Variants in FAM227B observed in about 807,000 individuals in gnomAD.
FAM227B encodes protein FAM227B.
A neutral mutation model predicts 73.8 loss-of-function variants in FAM227B; 88 were observed. The observed-to-expected ratio is 1.19, with a 90% CI of 1.00 to 1.42. The LOEUF is 1.42. FAM227B is among the 40% of genes most tolerant of loss of function. The probability of loss-of-function intolerance (pLI) is 0.00; values close to 1 mark genes in which losing one functional copy is unlikely to be tolerated. For missense variants in FAM227B, 632 were observed against 590.9 expected, an observed-to-expected ratio of 1.07 and a Z score of -0.72; for synonymous variants, 210 against 190.5, an observed-to-expected ratio of 1.10 and a Z score of -0.84.
intron 11 of FAM227B, among the ~76,000 whole-genome samples, chr15:49,458,909 T>C (rs972121103): frequency 3.3e-5 from 5 of 152,158 alleles, no homozygotes; most frequent in African/African-American, 7.2e-5. Context: ...TTAGTAATTA[T>C]TTTTTACGAG....
chr15:49,368,446 T>C (rs754619778), intron 12 of FAM227B, among the ~76,000 whole-genome samples: 105 of 152,306 alleles, frequency 6.9e-4, no homozygotes, highest in Non-Finnish European at 1.4e-3. Flanking sequence ...GGTCACTTTT[T>C]TATTCTATAG....
chr15:49,396,698 C>T (rs1405334089), intron 11 of FAM227B, among the ~76,000 whole-genome samples: 17 of 150,806 alleles, frequency 1.1e-4, no homozygotes, highest in South Asian at 2.1e-4. Flanking sequence ...CCCTGACCCC[C>T]GAGCAGCCTA....
At chr15:49,552,030 T>C (rs1176925250) in intron 9 of FAM227B, among the ~76,000 whole-genome samples, 1 of 152,194 alleles carries the variant, frequency 6.6e-6, no homozygotes. Context: ...ACACAACAGT[T>C]GCAGTGTTTT....
intron 11 of FAM227B, chr15:49,488,024 G>C (rs2056549463): frequency 6.6e-6 from 1 of 151,882 alleles, no homozygotes; most frequent in Non-Finnish European, 1.5e-5. Context: ...ACCACGCATA[G>C]GAGTGATAAC....
intron 5 of FAM227B, 134 bp downstream of exon 5, chr15:49,587,882 T>C (rs769221911): frequency 1.1e-5 from 8 of 752,906 alleles, no homozygotes; most frequent in East Asian, 4.0e-5. Flanking sequence ...CTTTAAAACA[T>C]AGAGATAGAT....
At chr15:49,532,386 T>G (rs1186839187) in intron 10 of FAM227B, among the ~76,000 whole-genome samples, 1 of 151,880 alleles carries the variant, frequency 6.6e-6, no homozygotes, top group Non-Finnish European at 1.5e-5. Flanking sequence ...ATGAAAATAA[T>G]GTACAAAACT....
intron 11 of FAM227B, among the ~76,000 whole-genome samples, chr15:49,392,831 T>C (rs918963005): frequency 3.3e-5 from 5 of 152,224 alleles, no homozygotes; most frequent in Admixed American, 6.5e-5. Context: ...CAAATGGTCA[T>C]AGACTTAATT....
intron 11 of FAM227B, among the ~76,000 whole-genome samples, chr15:49,475,614 A>T (rs894105685): frequency 1.3e-5 from 2 of 151,964 alleles, no homozygotes; most frequent in African/African-American, 4.8e-5. Context: ...AAATTTATTA[A>T]TTTTTTCATA....
chr15:49,415,458 G>C (rs1052647393), intron 11 of FAM227B, among the ~76,000 whole-genome samples: 3 of 151,872 alleles, frequency 2.0e-5, no homozygotes, highest in African/African-American at 7.3e-5. Context: ...TAACTTAAGG[G>C]GAATCAAGAC....
At chr15:49,463,861 A>C (rs2054022977) in intron 11 of FAM227B, among the ~76,000 whole-genome samples, 1 of 152,244 alleles carries the variant, frequency 6.6e-6, no homozygotes, top group East Asian at 1.9e-4. Context: ...TCTTATAAGC[A>C]CAGAAATATC....
At chr15:49,333,471 G>A (rs1022316388) in intron 14 of FAM227B, among the ~76,000 whole-genome samples, 1 of 152,184 alleles carries the variant, frequency 6.6e-6, no homozygotes. Context: ...TCTCAGTGGT[G>A]AAAATTCTTG....
intron 10 of FAM227B, among the ~76,000 whole-genome samples, chr15:49,518,242 C>G (rs2152144446): frequency 6.6e-6 from 1 of 152,294 alleles, no homozygotes; most frequent in South Asian, 2.1e-4. Flanking sequence ...AACCTGCACT[C>G]TCACCAGCAT....
intron 3 of FAM227B, among the ~76,000 whole-genome samples, chr15:49,594,474 G>C (rs987935679): frequency 4.6e-5 from 7 of 151,934 alleles, no homozygotes; most frequent in African/African-American, 1.7e-4. Context: ...ATTTGTTTTG[G>C]GGCTCTTGGT....
chr15:49,444,101 T>C (rs2051948698), intron 11 of FAM227B, among the ~76,000 whole-genome samples: 1 of 151,512 alleles, frequency 6.6e-6, no homozygotes, highest in African/African-American at 2.4e-5. Context: ...CTTACGGCAG[T>C]GTTGGAAGCA....
At chr15:49,569,136 AACT>A (rs1337904717) in intron 8 of FAM227B, among the ~76,000 whole-genome samples, 10 of 151,874 alleles carry the variant, frequency 6.6e-5, no homozygotes, top group African/African-American at 2.4e-4. Context: ...TGTCTATTTC[AACT>A]ACATTATTCC....
chr15:49,396,739 T>C (rs1354463754), intron 11 of FAM227B, among the ~76,000 whole-genome samples: 3 of 148,364 alleles, frequency 2.0e-5, no homozygotes, highest in African/African-American at 7.3e-5. Context: ...AGGGGCACAC[T>C]GACACCTCAC....
chr15:49,546,556 C>T (rs1324502777), intron 9 of FAM227B, among the ~76,000 whole-genome samples: 1 of 152,178 alleles, frequency 6.6e-6, no homozygotes, highest in African/African-American at 2.4e-5. Flanking sequence ...AATGGTTGAA[C>T]TAGTTTACAG....
At chr15:49,538,995 G>A (rs1415695469) in intron 10 of FAM227B, among the ~76,000 whole-genome samples, 3 of 152,116 alleles carry the variant, frequency 2.0e-5, no homozygotes, top group South Asian at 2.1e-4. Context: ...GCGGTATCAT[G>A]TTTGTTTTCC....
At chr15:49,369,239 G>A (rs1465941176) in intron 12 of FAM227B, among the ~76,000 whole-genome samples, 1 of 152,108 alleles carries the variant, frequency 6.6e-6, no homozygotes, top group Non-Finnish European at 1.5e-5. Flanking sequence ...TTACAGGCGT[G>A]AGCCACTGCA....
Sources: allele counts gnomAD v4.1 joint callset (sites outside exome capture counted in the v4.1 genomes callset), GRCh38; gene constraint gnomAD v4.1.1; transcripts MANE v1.5; gene names NCBI Gene and HGNC (gene_info 2026-07-23, HGNC 2026-07-21).